SPAG16: variants seen among roughly 807,000 people sequenced by gnomAD.
SPAG16 encodes sperm-associated antigen 16 protein.
A neutral mutation model predicts 80.4 loss-of-function variants in SPAG16; 86 were observed. That is an observed-to-expected ratio of 1.07 (90% confidence interval 0.90 to 1.28). The LOEUF is 1.28. SPAG16 is among the 50% of genes most tolerant of loss of function. SPAG16 has a pLI of 0.00. For missense variants in SPAG16, 870 were observed against 765.3 expected (o/e 1.14, Z -1.61); for synonymous variants, 294 against 265.9 (o/e 1.11, Z -1.03).
At chr2:213,756,428 G>T (rs1352634488) in intron 10 of SPAG16, among the ~76,000 whole-genome samples, 2 of 152,182 alleles carry the variant, frequency 1.3e-5, no homozygotes, top group Non-Finnish European at 2.9e-5. Context: ...GGCAGAGGTT[G>T]CATGCAGTGA....
intron 11 of SPAG16, among the ~76,000 whole-genome samples, chr2:213,888,333 T>C (rs1356914088): frequency 6.6e-6 from 1 of 151,862 alleles, no homozygotes; most frequent in Non-Finnish European, 1.5e-5. Context: ...GAGATTTACT[T>C]AGAACTATCC....
intron 10 of SPAG16, among the ~76,000 whole-genome samples, chr2:213,680,227 C>G (rs2064308943): frequency 6.6e-6 from 1 of 152,108 alleles, no homozygotes; most frequent in Non-Finnish European, 1.5e-5. Flanking sequence ...ACTCAGGTAT[C>G]AGCAAGAACT....
At chr2:213,688,464 AT>A (rs1188460476) in intron 10 of SPAG16, among the ~76,000 whole-genome samples, 5 of 152,064 alleles carry the variant, frequency 3.3e-5, no homozygotes, top group Non-Finnish European at 7.4e-5. Flanking sequence ...ACATGTTTGG[AT>A]TTTCTTCTTT....
intron 11 of SPAG16, among the ~76,000 whole-genome samples, chr2:213,928,711 G>A (rs1223516312): frequency 6.6e-5 from 10 of 152,078 alleles, no homozygotes; most frequent in Non-Finnish European, 1.0e-4. Context: ...TCAGTCATGA[G>A]GCTTGGTGCC....
intron 15 of SPAG16, among the ~76,000 whole-genome samples, chr2:214,152,737 GA>G (rs2056035691): frequency 6.6e-6 from 1 of 152,164 alleles, no homozygotes; most frequent in Admixed American, 6.6e-5. Context: ...GCAGGGTAAA[GA>G]GTGTGAGTCA....
chr2:213,693,188 TG>T (rs2065016678), intron 10 of SPAG16, among the ~76,000 whole-genome samples: 1 of 152,226 alleles, frequency 6.6e-6, no homozygotes, highest in Non-Finnish European at 1.5e-5. Flanking sequence ...CAGGTCTGAT[TG>T]GGCAATTTAT....
intron 15 of SPAG16, among the ~76,000 whole-genome samples, chr2:214,254,308 A>T (rs1352414924): frequency 1.3e-5 from 2 of 152,116 alleles, no homozygotes; most frequent in Non-Finnish European, 2.9e-5. Context: ...CCTGGCCAGA[A>T]CTTCCAATAC....
intron 9 of SPAG16, among the ~76,000 whole-genome samples, chr2:213,460,845 GAAT>G (rs1403484378): frequency 4.6e-5 from 7 of 152,104 alleles, no homozygotes; most frequent in Non-Finnish European, 8.8e-5. Context: ...GTGCAAAAAT[GAAT>G]AATGTTTTCA....
At chr2:213,659,093 A>T (rs1490159839) in intron 10 of SPAG16, among the ~76,000 whole-genome samples, 2 of 152,212 alleles carry the variant, frequency 1.3e-5, no homozygotes, top group African/African-American at 4.8e-5. Flanking sequence ...TCTAAATGAC[A>T]TTTAGAAACC....
chr2:214,308,241 T>G (rs1286469732), intron 15 of SPAG16, among the ~76,000 whole-genome samples: 4 of 152,216 alleles, frequency 2.6e-5, no homozygotes, highest in Non-Finnish European at 2.9e-5. Context: ...ATTTTCTTGG[T>G]AGGTTTTTCT....
In SPAG16 at chr2:213,350,557, C is replaced by G; in HGVS notation, c.674C>G (p.Pro225Arg). The change falls in exon 7 of 16, where the codon CCG becomes CGG. Residue 225 changes from proline to arginine, a missense_variant. Coordinates refer to ENST00000331683, the MANE Select transcript of SPAG16 (RefSeq NM_024532.5). ...AAGTTACATTATGCATCTTATGAAC[C>G]GACTATAAGGGTGTTACATGAGAAA... is the stretch of plus-strand genomic sequence containing the variant. ...GLKLHYASYE[P>R]TIRVLHEKHH... is the part of the protein sequence containing the mutation. 6.3e-7 allele frequency: 1 copy of G among 1,575,412 alleles called. No homozygotes were observed. Among genetic ancestry groups the G allele is most frequent in the Non-Finnish European group, 8.6e-7 (1 of 1,165,028 alleles).
intron 14 of SPAG16, among the ~76,000 whole-genome samples, chr2:214,127,638 T>G (rs967575701): frequency 6.6e-6 from 1 of 151,908 alleles, no homozygotes; most frequent in Non-Finnish European, 1.5e-5. Context: ...CATTTTATTT[T>G]GTTTAGGAGG....
chr2:214,108,429 A>G (rs1367551244), intron 14 of SPAG16, among the ~76,000 whole-genome samples, 168 bp downstream of exon 14: 1 of 147,894 alleles, frequency 6.8e-6, no homozygotes, highest in African/African-American at 2.5e-5. Flanking sequence ...GGGTTGCAGA[A>G]TTTTAAAATT....
intron 12 of SPAG16, among the ~76,000 whole-genome samples, chr2:213,954,904 C>T (rs1183533050): frequency 1.3e-5 from 2 of 152,022 alleles, no homozygotes; most frequent in Non-Finnish European, 2.9e-5. Context: ...TTTGCATTTT[C>T]CTGATAGTAA....
intron 12 of SPAG16, among the ~76,000 whole-genome samples, chr2:213,974,059 T>G (rs973737044): frequency 6.6e-6 from 1 of 152,090 alleles, no homozygotes; most frequent in Non-Finnish European, 1.5e-5. Flanking sequence ...TAACTAGGAT[T>G]TTTATAGTTA....
At chr2:213,828,905 A>G (rs951160083) in intron 10 of SPAG16, among the ~76,000 whole-genome samples, 2 of 152,134 alleles carry the variant, frequency 1.3e-5, no homozygotes, top group East Asian at 1.9e-4. Context: ...CTCTGTGCTG[A>G]GCTGTCCACA....
chr2:213,905,468 T>C (rs2077394149), intron 11 of SPAG16, among the ~76,000 whole-genome samples: 1 of 152,222 alleles, frequency 6.6e-6, no homozygotes, highest in Non-Finnish European at 1.5e-5. Flanking sequence ...TTAATATTTA[T>C]AAAACTTGAA....
chr2:214,093,846 ACTCT>A (rs746374972), intron 13 of SPAG16, among the ~76,000 whole-genome samples: 1 of 151,980 alleles, frequency 6.6e-6, no homozygotes, highest in African/African-American at 2.4e-5. Flanking sequence ...CTCTGGGGTC[ACTCT>A]CTATTTGAAT....
chr2:214,077,377 A>G (rs754447360), intron 13 of SPAG16, among the ~76,000 whole-genome samples: 2 of 152,242 alleles, frequency 1.3e-5, no homozygotes, highest in Non-Finnish European at 2.9e-5. Context: ...TAAAAAAGTT[A>G]ACACTGAAGA....
Sources: allele counts gnomAD v4.1 joint callset (sites outside exome capture counted in the v4.1 genomes callset), GRCh38; gene constraint gnomAD v4.1.1; transcripts MANE v1.5; gene names NCBI Gene and HGNC (gene_info 2026-07-23, HGNC 2026-07-21).